Variants in SV2C observed in about 807,000 individuals in gnomAD.
SV2C encodes synaptic vesicle glycoprotein 2C, also known as solute carrier family 22 member B3.
A neutral mutation model predicts 79.7 loss-of-function variants in SV2C; 49 were observed. The observed-to-expected ratio is 0.61, with a 90% CI of 0.49 to 0.78. The LOEUF is 0.78. Ranked by LOEUF, SV2C falls within the 30% of genes least tolerant of loss-of-function variation. The pLI, the probability that SV2C is intolerant of heterozygous loss-of-function variation, is 0.00. For missense variants in SV2C, 833 were observed against 912.9 expected, an observed-to-expected ratio of 0.91 and a Z score of 1.13; for synonymous variants, 334 against 333.2, an observed-to-expected ratio of 1.00 and a Z score of -0.03.
At chr5:75,902,103 T>C in the SV2C span, among the ~76,000 whole-genome samples, 25,478 of 150,110 alleles carry the variant, frequency 0.17, 6,362 homozygotes, top group African/African-American at 0.55. Context: ...CACTGACCTG[T>C]GCCCAGTGTC....
intron 4 of SV2C, among the ~76,000 whole-genome samples, chr5:76,229,862 T>C (rs1001704948): frequency 3.9e-5 from 6 of 152,250 alleles, no homozygotes; most frequent in African/African-American, 1.4e-4. Context: ...AGATATTGTA[T>C]GCTGGTGCAG....
chr5:76,182,560 A>T (rs1306992447), intron 2 of SV2C, among the ~76,000 whole-genome samples: 1 of 152,176 alleles, frequency 6.6e-6, no homozygotes, highest in Non-Finnish European at 1.5e-5. Context: ...AGAATGAGGA[A>T]AGCGAGGTGC....
the SV2C span, among the ~76,000 whole-genome samples, chr5:76,053,560 A>G: frequency 6.6e-6 from 1 of 152,300 alleles, no homozygotes; most frequent in Non-Finnish European, 1.5e-5. Context: ...AAATGATACT[A>G]TGATGGCTTT....
chr5:76,254,554 C>T (rs1746213100), intron 4 of SV2C, among the ~76,000 whole-genome samples: 1 of 152,154 alleles, frequency 6.6e-6, no homozygotes. Flanking sequence ...TAACATCTGA[C>T]ATAGATATGC....
chr5:75,848,144 T>C, the SV2C span, among the ~76,000 whole-genome samples: 1 of 152,130 alleles, frequency 6.6e-6, no homozygotes. Flanking sequence ...CCTATTGGTG[T>C]GAGAAGGTCT....
the SV2C span, among the ~76,000 whole-genome samples, chr5:76,037,931 A>C: frequency 6.6e-6 from 1 of 152,176 alleles, no homozygotes; most frequent in Admixed American, 6.5e-5. Flanking sequence ...CAGGTGCCGG[A>C]TATAATTTCC....
At chr5:76,315,817 T>C (rs551234946) in intron 12 of SV2C, among the ~76,000 whole-genome samples, 2 of 152,304 alleles carry the variant, frequency 1.3e-5, no homozygotes, top group South Asian at 4.1e-4. Context: ...ATGGGAAGCC[T>C]TTGGGTTGGA....
chr5:76,309,388 C>T (rs993308948), intron 12 of SV2C, among the ~76,000 whole-genome samples: 5 of 151,880 alleles, frequency 3.3e-5, no homozygotes, highest in African/African-American at 9.7e-5. Flanking sequence ...ATTACGAGGT[C>T]AGGAGATCGA....
the SV2C span, among the ~76,000 whole-genome samples, chr5:75,974,633 C>T: frequency 2.0e-5 from 3 of 151,396 alleles, no homozygotes; most frequent in South Asian, 2.1e-4. Flanking sequence ...AGTGGTCTCA[C>T]GCCTCCTATA....
chr5:75,954,855 T>A, the SV2C span, among the ~76,000 whole-genome samples: 1 of 141,970 alleles, frequency 7.0e-6, no homozygotes, highest in Non-Finnish European at 1.5e-5. Flanking sequence ...AAGGACCTCT[T>A]CAAGGAGAAC....
chr5:75,931,462 C>T, the SV2C span, among the ~76,000 whole-genome samples: 1 of 152,188 alleles, frequency 6.6e-6, no homozygotes, highest in Non-Finnish European at 1.5e-5. Context: ...TGCTTTGTAA[C>T]TGCGTGTAAC....
At chr5:75,979,197 T>C in the SV2C span, among the ~76,000 whole-genome samples, 2 of 152,070 alleles carry the variant, frequency 1.3e-5, no homozygotes, top group Non-Finnish European at 2.9e-5. Context: ...TCTAAATATA[T>C]ATGCACCCAA....
At chr5:75,898,485 G>A in the SV2C span, among the ~76,000 whole-genome samples, 2 of 152,244 alleles carry the variant, frequency 1.3e-5, no homozygotes, top group African/African-American at 4.8e-5. Context: ...TTTTGTTGAG[G>A]ATTTTTGCAT....
At chr5:76,005,678 G>A in the SV2C span, among the ~76,000 whole-genome samples, 1 of 152,184 alleles carries the variant, frequency 6.6e-6, no homozygotes, top group Non-Finnish European at 1.5e-5. Flanking sequence ...CTCTGCTGAG[G>A]TTGCTAAGCT....
At position 76,132,060 on chromosome 5, in the gene SV2C, G is replaced by C. The variant is rs763042833; in HGVS notation, c.310G>C (p.Asp104His). ...CATCCCCAGTATGAACCAAGCGAAG[G>C]ACAGCATCGTGTCAGTGGGGCAGCC... ...QGIPSMNQAK[D>H]SIVSVGQPKG... The change falls in exon 2 of 13, where the codon GAC becomes CAC. Residue 104 changes from aspartate (D) to histidine (H), a missense_variant. Coordinates refer to ENST00000502798, the MANE Select transcript of SV2C (RefSeq NM_014979.4). 8.7e-6 allele frequency: 14 copies of C among 1,612,084 alleles called. No homozygotes were observed. The highest frequency in any genetic ancestry group is 1.2e-5 in the Non-Finnish European group (14 of 1,178,760).
intron 1 of SV2C, among the ~76,000 whole-genome samples, chr5:76,103,570 C>T (rs1221919933): frequency 6.6e-6 from 1 of 152,216 alleles, no homozygotes; most frequent in Non-Finnish European, 1.5e-5. Flanking sequence ...CACATAAAGA[C>T]AGCCATAGCT....
the SV2C span, among the ~76,000 whole-genome samples, chr5:75,945,418 C>A: frequency 6.6e-6 from 1 of 151,528 alleles, no homozygotes; most frequent in East Asian, 1.9e-4. Flanking sequence ...CTCAAGTGAT[C>A]CTCCCACCTC....
chr5:75,888,344 AT>A, the SV2C span, among the ~76,000 whole-genome samples: 20 of 150,262 alleles, frequency 1.3e-4, no homozygotes, highest in Middle Eastern at 6.9e-3. Context: ...AAAAAAAAAA[AT>A]TTTTTTTTTG....
At chr5:76,020,870 A>C in the SV2C span, among the ~76,000 whole-genome samples, 1,300 of 152,312 alleles carry the variant, frequency 8.5e-3, 22 homozygotes, top group African/African-American at 0.03. Flanking sequence ...ATTCTGACAC[A>C]CTAGGGAAGG....
Sources: allele counts gnomAD v4.1 joint callset (sites outside exome capture counted in the v4.1 genomes callset), GRCh38; gene constraint gnomAD v4.1.1; transcripts MANE v1.5; gene names NCBI Gene and HGNC (gene_info 2026-07-23, HGNC 2026-07-21).